DLGAP2: variants seen among roughly 807,000 people sequenced by gnomAD.
DLGAP2 encodes DLG associated protein 2, also known as disks large-associated protein 2.
A neutral mutation model predicts 100.3 loss-of-function variants in DLGAP2; 26 were observed. That is an observed-to-expected ratio of 0.26 (90% CI 0.19 to 0.36). The LOEUF (loss-of-function observed/expected upper bound fraction) is 0.36, where lower values mean the gene tolerates loss of function less well. Among genes scored for constraint, DLGAP2 ranks in the 10% least tolerant of loss-of-function variants. The pLI, the probability that DLGAP2 is intolerant of heterozygous loss-of-function variation, is 1.00. For missense variants in DLGAP2, 1,858 were observed against 1,453.2 expected (o/e 1.28, Z -4.53); for synonymous variants, 886 against 630.1 (o/e 1.41, Z -6.08).
intron 8 of DLGAP2, among the ~76,000 whole-genome samples, chr8:1,654,507 C>T (rs1225069344): frequency 1.3e-5 from 2 of 151,624 alleles, no homozygotes; most frequent in South Asian, 4.2e-4. Flanking sequence ...ACTAAAGATA[C>T]AAAATTAGCC....
intron 3 of DLGAP2, among the ~76,000 whole-genome samples, chr8:1,423,668 G>A (rs539904151): frequency 1.8e-4 from 28 of 152,334 alleles, no homozygotes; most frequent in East Asian, 1.2e-3. Flanking sequence ...TGCTCTGTGC[G>A]TTGAGAGCCT....
At position 1,374,103 on chromosome 8, in the gene DLGAP2, A is replaced by ACGGCTGTGTGGT. The variant is rs1280143925; in HGVS notation, c.106+115220_106+115221insCGGCTGTGTGGT. On this transcript the variant is annotated intron_variant, in intron 3 of 14. Coordinates refer to ENST00000637795, the MANE Select transcript of DLGAP2 (RefSeq NM_001346810.2). Reference sequence around the variant, plus strand: ...GGTGGAGGTTAGGTTAGGTTTGCAGAGGACTGTGTGGTGGAGGTTAGGTTA... The same window carrying ACGGCTGTGTGGT: ...GGTGGAGGTTAGGTTAGGTTTGCAGACGGCTGTGTGGTGGACTGTGTGGTGGAGGTTAGGTTA... Among the ~76,000 whole-genome samples the ACGGCTGTGTGGT allele has an allele frequency of 4.0e-3, 351 of 88,790 alleles. 4 individuals carry two copies. The highest frequency in any genetic ancestry group is 0.014 in the African/African-American group (292 of 20,570). 58.2% of individuals were successfully genotyped at this position (88,790 alleles called of 152,430 possible).
intron 2 of DLGAP2, among the ~76,000 whole-genome samples, chr8:1,203,865 T>C (rs1217374608): frequency 6.6e-6 from 1 of 152,182 alleles, no homozygotes; most frequent in Non-Finnish European, 1.5e-5. Flanking sequence ...AGGCTCGTTC[T>C]CATTTAGGGA....
chr8:1,031,578 G>A (rs1438346318), intron 2 of DLGAP2, among the ~76,000 whole-genome samples: 2 of 151,972 alleles, frequency 1.3e-5, no homozygotes, highest in East Asian at 3.9e-4. Context: ...ATGCCCGGCT[G>A]TTTTGTATTT....
At chr8:1,382,984 T>C (rs1398944509) in intron 3 of DLGAP2, among the ~76,000 whole-genome samples, 1 of 152,200 alleles carries the variant, frequency 6.6e-6, no homozygotes, top group Non-Finnish European at 1.5e-5. Context: ...CTATGTTAAT[T>C]AATCAGGCTG....
chr8:1,629,156 C>A (rs1442080444), intron 7 of DLGAP2, among the ~76,000 whole-genome samples: 1 of 152,204 alleles, frequency 6.6e-6, no homozygotes, highest in Non-Finnish European at 1.5e-5. Flanking sequence ...AGAGTCTATT[C>A]ATTTTGCAGG....
chr8:1,254,888 C>CGTGCTGTGTGTGTGCTCTCTCCTGCCCGT (rs1799137817), intron 2 of DLGAP2, among the ~76,000 whole-genome samples: 15 of 128,738 alleles, frequency 1.2e-4, no homozygotes, highest in Non-Finnish European at 1.6e-4. Context: ...CTCCTGCCCG[C>CGTGCTGTGTGTGTGCTCTCTCCTGCCCGT]GTGCTGTGTC....
rs535625337 is a variant in DLGAP2 at position 814,494 on chromosome 8, C to T, written c.18+76669C>T. ...GATGTATTACTAGTAAGGGCTGGAT[C>T]CTGGATTCAGACCCTGATTCGGATC... On this transcript the variant is annotated intron_variant, in intron 1 of 14. Transcript: ENST00000637795. Among the ~76,000 whole-genome samples the T allele has an allele frequency of 5.3e-5, 8 of 152,216 alleles. No homozygotes were observed. In the East Asian group the frequency reaches 1.5e-3, roughly 29 times the overall value.
chr8:742,568 G>C (rs1430665603), intron 1 of DLGAP2, among the ~76,000 whole-genome samples: 1 of 152,210 alleles, frequency 6.6e-6, no homozygotes, highest in Non-Finnish European at 1.5e-5. Flanking sequence ...GAGTGCACTG[G>C]CATGATCATA....
intron 3 of DLGAP2, chr8:1,373,729 T>G (rs1460773288): frequency 1.3e-5 from 2 of 152,218 alleles, no homozygotes; most frequent in African/African-American, 4.8e-5. Context: ...CTGTGGCCTC[T>G]CCAGCTCAGG....
At chr8:1,661,495 G>A (rs73672909) in intron 8 of DLGAP2, among the ~76,000 whole-genome samples, 2 of 152,148 alleles carry the variant, frequency 1.3e-5, no homozygotes, top group South Asian at 2.1e-4. Flanking sequence ...AAGGACATGG[G>A]AGATCCATCT....
chr8:1,342,759 G>GGT (rs1801446854), intron 3 of DLGAP2, among the ~76,000 whole-genome samples: 1 of 152,266 alleles, frequency 6.6e-6, no homozygotes, highest in South Asian at 2.1e-4. Context: ...TGTGAAATGC[G>GGT]GTGTGTGTGT....
At chr8:1,013,642 T>C (rs1312979117) in intron 2 of DLGAP2, among the ~76,000 whole-genome samples, 26 of 133,062 alleles carry the variant, frequency 2.0e-4, no homozygotes, top group South Asian at 4.9e-4. Context: ...GCCTCCACTG[T>C]GTGTGTGACC....
chr8:1,337,991 A>AT (rs1178644109), intron 3 of DLGAP2, among the ~76,000 whole-genome samples: 1 of 152,248 alleles, frequency 6.6e-6, no homozygotes. Flanking sequence ...ATGAGATGCA[A>AT]TTGCATTCCC....
At chr8:1,546,299 G>A (rs1425936491) in intron 4 of DLGAP2, among the ~76,000 whole-genome samples, 2 of 152,216 alleles carry the variant, frequency 1.3e-5, no homozygotes, top group East Asian at 1.9e-4. Context: ...ATATGCAGGA[G>A]CAATCCCTTT....
chr8:1,548,266 C>T (rs1337897595), intron 4 of DLGAP2, among the ~76,000 whole-genome samples: 2 of 151,882 alleles, frequency 1.3e-5, no homozygotes, highest in Non-Finnish European at 2.9e-5. Context: ...TTGAAACTAG[C>T]CTGACCAACA....
At chr8:1,292,176 C>G (rs931147759) in intron 3 of DLGAP2, among the ~76,000 whole-genome samples, 1 of 152,208 alleles carries the variant, frequency 6.6e-6, no homozygotes, top group African/African-American at 2.4e-5. Context: ...GGGAAGCATG[C>G]TTTGCTCATG....
chr8:1,010,931 G>A (rs973633549), intron 2 of DLGAP2, among the ~76,000 whole-genome samples: 3 of 151,428 alleles, frequency 2.0e-5, no homozygotes, highest in Non-Finnish European at 2.9e-5. Flanking sequence ...CAGGCGAGGG[G>A]CCTCAGTCTA....
intron 3 of DLGAP2, among the ~76,000 whole-genome samples, chr8:1,351,761 G>T (rs1462246337): frequency 7.7e-5 from 6 of 78,294 alleles, no homozygotes; most frequent in Non-Finnish European, 7.9e-5. Context: ...CTGACTATGT[G>T]TGGAAAGGCC....
Sources: gnomAD v4.1 joint callset for allele counts (sites outside exome capture counted in the v4.1 genomes callset) on GRCh38, gnomAD v4.1.1 for gene constraint, MANE v1.5 for transcripts, NCBI Gene and HGNC (gene_info 2026-07-23, HGNC 2026-07-21) for gene names.